The following ETV1 variants were observed in gnomAD, a reference collection of about 807,000 sequenced individuals.
ETV1 encodes the protein ETS variant transcription factor 1, also known as ETS translocation variant 1.
A neutral mutation model predicts 62.3 loss-of-function variants in ETV1; 27 were observed. The observed-to-expected ratio is 0.43, with a 90% CI of 0.32 to 0.60. The LOEUF is 0.60. Ranked by LOEUF, ETV1 falls within the 20% of genes least tolerant of loss-of-function variation. ETV1 has a pLI of 0.06. For missense variants in ETV1, 605 were observed against 605.8 expected, an observed-to-expected ratio of 1.00 and a Z score of 0.01; for synonymous variants, 222 against 199.6, an observed-to-expected ratio of 1.11 and a Z score of -0.94.
At chr7:13,909,123 C>T (rs1783287430) in intron 11 of ETV1, among the ~76,000 whole-genome samples, 1 of 132,426 alleles carries the variant, frequency 7.6e-6, no homozygotes, top group East Asian at 2.3e-4. Context: ...TAGTAACATA[C>T]ATCTTCCCCA....
chr7:13,920,799 G>A (rs1217748643), intron 9 of ETV1, among the ~76,000 whole-genome samples: 2 of 152,150 alleles, frequency 1.3e-5, no homozygotes, highest in Non-Finnish European at 2.9e-5. Flanking sequence ...CCAGAGTACT[G>A]ATTTGGGAGA....
chr7:13,922,337 C>G (rs186010733), intron 9 of ETV1, among the ~76,000 whole-genome samples: 1 of 151,200 alleles, frequency 6.6e-6, no homozygotes, highest in Admixed American at 6.6e-5. Context: ...TAGAAAAATA[C>G]TATTCTACTT....
chr7:13,970,327 A>AC (rs1562698780), intron 6 of ETV1, among the ~76,000 whole-genome samples: 3 of 130,646 alleles, frequency 2.3e-5, no homozygotes, highest in African/African-American at 8.9e-5. Context: ...CACACACACA[A>AC]AGCAGCAACT....
At chr7:13,924,643 T>G (rs1478122933) in intron 9 of ETV1, among the ~76,000 whole-genome samples, 1 of 152,174 alleles carries the variant, frequency 6.6e-6, no homozygotes, top group Non-Finnish European at 1.5e-5. Context: ...CACTCAGTAT[T>G]TCCCTTTAAT....
intron 6 of ETV1, chr7:13,958,951 T>G (rs1039842985): frequency 6.6e-6 from 1 of 152,086 alleles, no homozygotes; most frequent in Non-Finnish European, 1.5e-5. Context: ...TTTCTAATAT[T>G]TCATTGAGTA....
At chr7:13,931,915 G>A (rs1786225283) in intron 8 of ETV1, among the ~76,000 whole-genome samples, 166 bp from the exon 9 acceptor site, 1 of 152,042 alleles carries the variant, frequency 6.6e-6, no homozygotes, top group African/African-American at 2.4e-5. Flanking sequence ...GTAGCTCTAT[G>A]TTTTTTAATC....
intron 9 of ETV1, among the ~76,000 whole-genome samples, chr7:13,921,327 T>TA (rs1295699709): frequency 2.6e-5 from 4 of 152,200 alleles, no homozygotes; most frequent in Non-Finnish European, 5.9e-5. Flanking sequence ...TGGCAATATT[T>TA]AAAAATATCC....
chr7:13,949,526 T>C (rs930479751), intron 6 of ETV1, among the ~76,000 whole-genome samples: 2 of 152,134 alleles, frequency 1.3e-5, no homozygotes, highest in African/African-American at 4.8e-5. Flanking sequence ...AGATTCTTTC[T>C]AGTACATTTA....
rs1781695236 is a variant in ETV1 at position 13,895,621 on chromosome 7, T to G, written c.*245A>C. On this transcript the variant is annotated 3_prime_UTR_variant, in exon 14 of 14. Coordinates refer to ENST00000430479, the MANE Select transcript of ETV1 (RefSeq NM_004956.5). ...GTAAAAAGTAATCCCCAAATCCCTC[T>G]GCCCATTCACCCATTAGCTTCCTGT... The G allele has an allele frequency of 2.1e-6, 1 of 474,598 alleles. No homozygotes were observed. The highest frequency in any genetic ancestry group is 3.1e-5 in the East Asian group (1 of 32,468). 29.4% of individuals were successfully genotyped at this position (474,598 alleles called of 1,614,324 possible). A position where few individuals can be genotyped will look rare whatever the true frequency, so the allele number is the denominator to read the frequency against.
chr7:13,989,570 C>A lies in ETV1; in HGVS notation c.-292G>T. On this transcript the variant is annotated 5_prime_UTR_variant, in exon 1 of 14. Transcript: ENST00000430479. ...GTTGTTGGAAAGACCCACCTGAAGG[C>A]CACGCTAGGCGAAAGGCTGCAAAAA... 2.5e-6 allele frequency: 1 copy of A among 399,112 alleles called. No individual in the cohort carries two copies. Among genetic ancestry groups the A allele is most frequent in the Non-Finnish European group, 4.4e-6 (1 of 226,154 alleles). The allele number at this position is 399,112 out of a possible 1,614,324, so 24.7% of individuals were successfully genotyped here.
intron 5 of ETV1, chr7:13,986,431 C>A: frequency 1.3e-6 from 2 of 1,489,224 alleles, no homozygotes; most frequent in East Asian, 2.5e-5. Flanking sequence ...AGCAATTTCT[C>A]CTGGTAATTT....
chr7:13,942,161 C>T (rs1410554309), intron 6 of ETV1, among the ~76,000 whole-genome samples: 3 of 151,308 alleles, frequency 2.0e-5, no homozygotes, highest in Admixed American at 6.6e-5. Context: ...GTAGCTGGGA[C>T]TACAGGCGCC....
intron 6 of ETV1, among the ~76,000 whole-genome samples, chr7:13,968,048 A>G (rs1322215895): frequency 1.3e-5 from 2 of 152,068 alleles, no homozygotes; most frequent in Non-Finnish European, 2.9e-5. Flanking sequence ...TGTTTGGCTT[A>G]TATTTCTATC....
intron 6 of ETV1, among the ~76,000 whole-genome samples, chr7:13,974,429 G>A (rs1781203451): frequency 6.6e-6 from 1 of 152,204 alleles, no homozygotes; most frequent in African/African-American, 2.4e-5. Flanking sequence ...ATAGGACTCT[G>A]TCCTGCAGAC....
At chr7:13,899,104 C>G (rs1275751950) in intron 13 of ETV1, among the ~76,000 whole-genome samples, 1 of 152,192 alleles carries the variant, frequency 6.6e-6, no homozygotes, top group Non-Finnish European at 1.5e-5. Flanking sequence ...TCCTGACTGC[C>G]TTATCTGTTA....
At chr7:13,901,588 A>T (rs1246487072) in intron 12 of ETV1, among the ~76,000 whole-genome samples, 1 of 152,202 alleles carries the variant, frequency 6.6e-6, no homozygotes, top group African/African-American at 2.4e-5. Context: ...CAAAGGAAAA[A>T]AGATACCCTG....
chr7:13,981,676 A>T (rs901292118), intron 5 of ETV1, among the ~76,000 whole-genome samples: 2 of 152,082 alleles, frequency 1.3e-5, no homozygotes, highest in East Asian at 3.9e-4. Context: ...AAGGGAAAAG[A>T]AAAACCATTA....
intron 6 of ETV1, among the ~76,000 whole-genome samples, chr7:13,963,629 T>A (rs766515314): frequency 1.4e-4 from 22 of 152,102 alleles, no homozygotes; most frequent in Middle Eastern, 6.8e-3. Flanking sequence ...TAACCAAAAT[T>A]CTAAGAAAAG....
At chr7:13,985,696 C>G (rs1480159778) in intron 5 of ETV1, among the ~76,000 whole-genome samples, 1 of 152,136 alleles carries the variant, frequency 6.6e-6, no homozygotes, top group Non-Finnish European at 1.5e-5. Context: ...GCTTAAATAT[C>G]TATAATTTTT....
Sources: gnomAD v4.1 joint callset for allele counts (sites outside exome capture counted in the v4.1 genomes callset) on GRCh38, gnomAD v4.1.1 for gene constraint, MANE v1.5 for transcripts, NCBI Gene and HGNC (gene_info 2026-07-23, HGNC 2026-07-21) for gene names.